CPNE1: variants seen among roughly 807,000 people sequenced by gnomAD.
CPNE1 encodes copine 1.
Under a neutral mutation model 63.2 loss-of-function variants are expected in CPNE1, and 58 were observed. The observed-to-expected ratio is 0.92, with a 90% CI of 0.74 to 1.14. The LOEUF is 1.14. Among genes scored for constraint, CPNE1 ranks in the 50% most tolerant of loss-of-function variants. The pLI, the probability that CPNE1 is intolerant of heterozygous loss-of-function variation, is 0.00. For synonymous variants in CPNE1, 237 were observed against 249.0 expected, an observed-to-expected ratio of 0.95 and a Z score of 0.45; for missense variants, 672 against 661.7, an observed-to-expected ratio of 1.02 and a Z score of -0.17.
At chr20:35,653,209 T>C in intron 1 of CPNE1, 1 of 1,613,524 alleles carries the variant, frequency 6.2e-7, no homozygotes, top group Non-Finnish European at 8.5e-7. Context: ...CAGGAAGGCA[T>C]GCTCTTCACC....
chr20:35,634,260 CAAAA>C (rs35273568), intron 1 of CPNE1, among the ~76,000 whole-genome samples: 1 of 85,474 alleles, frequency 1.2e-5, no homozygotes, highest in Admixed American at 1.4e-4. Context: ...GACTCTGTCA[CAAAA>C]AAAAAAAAAA....
At chr20:35,630,850 G>A in intron 11 of CPNE1, 51 bp downstream of exon 11, 1 of 1,604,740 alleles carries the variant, frequency 6.2e-7, no homozygotes, top group Non-Finnish European at 8.5e-7. Flanking sequence ...TAAGCTCAGA[G>A]GCTGAAGCAT....
In CPNE1 at chr20:35,626,308, T is replaced by C; in HGVS notation, c.1547A>G (p.Gln516Arg). The change falls in exon 16 of 16, where the codon CAG (glutamine) becomes CGG (arginine). Residue 516 changes from glutamine to arginine, a missense_variant. Gln to Arg is a conservative substitution (Grantham distance 43, BLOSUM62 1). Transcript: ENST00000397443. ...AAGTGGCTTGAGCGGGGCCCAACCC[T>C]GGGCCCTGAAGTATGAGACCAGTTG... ...PTQLVSYFRA[Q>R]GWAPLKPLPP... is the part of the protein sequence containing the mutation. 6.2e-7 allele frequency: 1 copy of C among 1,614,006 alleles called. No individual in the cohort carries two copies. The highest frequency in any genetic ancestry group is 8.5e-7 in the Non-Finnish European group (1 of 1,179,974).
rs146065192 is a variant in CPNE1 at position 35,630,910 on chromosome 20, T to A, written c.986A>T (p.Asp329Val). 114 of 1,608,918 alleles carry A rather than the reference T, an allele frequency of 7.1e-5. No individual in the cohort carries two copies. Among genetic ancestry groups the A allele is most frequent in the Non-Finnish European group, 1.4e-5 (17 of 1,176,958 alleles). Residue 329 changes from aspartate to valine, a missense_variant, in exon 11 of 16, where the codon GAC becomes GTC. Coordinates refer to ENST00000397443, the MANE Select transcript of CPNE1 (RefSeq NM_152925.3). ...AGAAGCAGGTACTCACGAGTCATAG[T>A]CCTGAACCACGCTGCCCACACTCCA... ...ALWSVGSVVQ[D>V]YDSDKLFPAF...
chr20:35,661,467 T>C (rs187187106), intron 1 of CPNE1, among the ~76,000 whole-genome samples: 1 of 152,280 alleles, frequency 6.6e-6, no homozygotes, highest in East Asian at 1.9e-4. Flanking sequence ...TACAGCATAA[T>C]GATAGGAAAG....
rs554769416 is a variant in CPNE1, at chr20:35,662,565, C to T, written c.-1+2195G>A. 1.2e-3 allele frequency among the ~76,000 whole-genome samples: 180 copies of T among 152,316 alleles called. 3 individuals carry two copies. In the Middle Eastern group the frequency reaches 0.034, roughly 29 times the overall value. On this transcript the variant is annotated intron_variant, in intron 1 of 15. Transcript: ENST00000397443. ...TCAGTCTCTGCATTTTAGGGAGGGACATCTAAAAGCATCTTTTGTGCAACC... is the reference window on the plus strand; with the variant it reads ...TCAGTCTCTGCATTTTAGGGAGGGATATCTAAAAGCATCTTTTGTGCAACC...
chr20:35,631,685 C>T lies in CPNE1; in HGVS notation c.627+3G>A, dbSNP rs761786043. On this transcript the variant is annotated splice_donor_region_variant and intron_variant, in intron 7 of 15. Transcript: ENST00000397443. ...CAGTCCACTTAGGGGGCAAGCTCCT[C>T]ACCTGGATGGGTGTGCTGGGGTTCC... 3.7e-6 allele frequency: 6 copies of T among 1,613,986 alleles called. No homozygotes were observed. In the South Asian group the frequency reaches 5.5e-5, roughly 15 times the overall value.
chr20:35,655,247 A>G (rs773946342), intron 1 of CPNE1: 12 of 1,613,788 alleles, frequency 7.4e-6, no homozygotes, highest in Non-Finnish European at 1.0e-5. Flanking sequence ...GGAATGGTCA[A>G]TCCAGAGAAG....
chr20:35,658,285 T>C (rs977886536), intron 1 of CPNE1, among the ~76,000 whole-genome samples: 4 of 152,070 alleles, frequency 2.6e-5, no homozygotes, highest in East Asian at 1.9e-4. Flanking sequence ...GAAATATAAA[T>C]AAACATATCA....
chr20:35,659,003 C>T (rs1275951960), intron 1 of CPNE1: 2 of 717,086 alleles, frequency 2.8e-6, no homozygotes, highest in Non-Finnish European at 5.2e-6. Flanking sequence ...CCAATTAAAA[C>T]CAACTTTTAG....
chr20:35,663,942 C>T (rs1203575418), intron 1 of CPNE1, among the ~76,000 whole-genome samples: 2 of 152,240 alleles, frequency 1.3e-5, no homozygotes, highest in Non-Finnish European at 1.5e-5. Context: ...ATCTCGTCCT[C>T]CTGAAATGCC....
intron 13 of CPNE1, among the ~76,000 whole-genome samples, chr20:35,629,313 A>ATCAGG (rs2031969280): frequency 6.6e-6 from 1 of 152,290 alleles, no homozygotes; most frequent in South Asian, 2.1e-4. Flanking sequence ...CCCAGATCAG[A>ATCAGG]TCAGGTCAGG....
chr20:35,628,009 C>G (rs778181401), intron 13 of CPNE1, among the ~76,000 whole-genome samples: 1 of 151,976 alleles, frequency 6.6e-6, no homozygotes, highest in Non-Finnish European at 1.5e-5. Flanking sequence ...AGGCCGGGCG[C>G]AGTGGCTCAG....
intron 13 of CPNE1, 104 bp from the exon 14 acceptor site, chr20:35,627,517 C>T: frequency 8.9e-7 from 1 of 1,129,584 alleles, no homozygotes. Flanking sequence ...AACCTGGGTG[C>T]ATTTCATTCA....
At chr20:35,636,738 C>G (rs910256432) in intron 1 of CPNE1, among the ~76,000 whole-genome samples, 2 of 151,986 alleles carry the variant, frequency 1.3e-5, no homozygotes, top group Non-Finnish European at 2.9e-5. Context: ...TTGCAGTGAG[C>G]CGAGATCATG....
chr20:35,663,731 G>GT (rs1398597765), intron 1 of CPNE1, among the ~76,000 whole-genome samples: 1 of 152,058 alleles, frequency 6.6e-6, no homozygotes, highest in Non-Finnish European at 1.5e-5. Context: ...TAAAGCACAC[G>GT]TTGGAGGCAC....
intron 1 of CPNE1, chr20:35,652,839 G>GCCGGGC: frequency 6.2e-7 from 1 of 1,608,538 alleles, no homozygotes; most frequent in Non-Finnish European, 8.5e-7. Flanking sequence ...CGGGGCCGGG[G>GCCGGGC]CCAGGCCCAA....
intron 1 of CPNE1, chr20:35,653,796 ACCTTT>A: frequency 6.2e-7 from 1 of 1,613,908 alleles, no homozygotes; most frequent in Non-Finnish European, 8.5e-7. Flanking sequence ...TTTCTAGCAT[ACCTTT>A]CTTAGTAATT....
At chr20:35,630,336 G>A (rs1482280195) in intron 13 of CPNE1, 103 bp downstream of exon 13, 1 of 851,478 alleles carries the variant, frequency 1.2e-6, no homozygotes, top group Non-Finnish European at 1.9e-6. Context: ...TCCACCCTCT[G>A]GACAATGAAG....
Sources: allele counts gnomAD v4.1 joint callset (sites outside exome capture counted in the v4.1 genomes callset), GRCh38; gene constraint gnomAD v4.1.1; transcripts MANE v1.5; gene names NCBI Gene and HGNC (gene_info 2026-07-23, HGNC 2026-07-21).